Variants in ANKRD44 observed in about 807,000 individuals in gnomAD.
The protein encoded by ANKRD44 is ankyrin repeat domain 44.
Under a neutral mutation model 116.0 loss-of-function variants are expected in ANKRD44, and 35 were observed. The observed-to-expected ratio is 0.30, with a 90% CI of 0.23 to 0.40. ANKRD44 has a LOEUF of 0.40. Ranked by LOEUF, ANKRD44 falls within the 10% of genes least tolerant of loss-of-function variation. The pLI is 1.00. For missense variants in ANKRD44, 1,014 were observed against 1,242.6 expected (o/e 0.82, Z 2.77); for synonymous variants, 435 against 461.8 (o/e 0.94, Z 0.74).
chr2:197,016,007 A>C, intron 17 of ANKRD44: 2 of 537,340 alleles, frequency 3.7e-6, no homozygotes, highest in East Asian at 5.0e-5. Flanking sequence ...TGGTAGCAGA[A>C]GTTTCTAAAA....
intron 10 of ANKRD44, among the ~76,000 whole-genome samples, chr2:197,090,912 C>T (rs914236445): frequency 7.9e-5 from 12 of 152,206 alleles, no homozygotes; most frequent in Admixed American, 3.3e-4. Context: ...CTTTTCAGCT[C>T]CCCTTCCTGC....
intron 1 of ANKRD44, among the ~76,000 whole-genome samples, chr2:197,241,387 G>C (rs1229856335): frequency 6.6e-6 from 1 of 152,158 alleles, no homozygotes; most frequent in African/African-American, 2.4e-5. Flanking sequence ...GGATCTCCAA[G>C]AGGGGCACAG....
intron 21 of ANKRD44, among the ~76,000 whole-genome samples, chr2:196,977,875 A>G (rs1005444439): frequency 2.6e-5 from 4 of 152,208 alleles, no homozygotes; most frequent in African/African-American, 4.8e-5. Flanking sequence ...AAATCAAAAC[A>G]TATGTCCATA....
At chr2:197,100,314 AAT>A (rs2078261992) in intron 9 of ANKRD44, among the ~76,000 whole-genome samples, 3 of 152,214 alleles carry the variant, frequency 2.0e-5, no homozygotes, top group Admixed American at 6.5e-5. Flanking sequence ...GCATGCCTGT[AAT>A]CCCAGCTACT....
chr2:197,124,203 T>C (rs2579397), intron 6 of ANKRD44, among the ~76,000 whole-genome samples: 143,018 of 152,100 alleles, frequency 0.94, 67,392 homozygotes, highest in East Asian at 1. Flanking sequence ...AAGTTTAAGA[T>C]TCTGTTTTTT....
chr2:197,133,947 C>CTTTCTTTTTTTTTTTTTTTTTTTT (rs1574519359), intron 4 of ANKRD44: 1 of 56,462 alleles, frequency 1.8e-5, no homozygotes, highest in African/African-American at 4.8e-5. Context: ...CTTTTTCTTT[C>CTTTCTTTTTTTTTTTTTTTTTTTT]TTTTTTTTTT....
downstream of ANKRD44, among the ~76,000 whole-genome samples, chr2:196,985,192 C>T (rs1480806653): frequency 6.6e-6 from 1 of 152,178 alleles, no homozygotes; most frequent in Non-Finnish European, 1.5e-5. Context: ...ATCCTGCCAA[C>T]AACCATATGA....
intron 9 of ANKRD44, among the ~76,000 whole-genome samples, chr2:197,109,354 G>C (rs2078512172): frequency 6.6e-6 from 1 of 152,198 alleles, no homozygotes; most frequent in Admixed American, 6.5e-5. Flanking sequence ...CAAAGGCATA[G>C]CACATATTTC....
At chr2:197,024,484 T>C (rs991077709) in intron 17 of ANKRD44, among the ~76,000 whole-genome samples, 7 of 152,178 alleles carry the variant, frequency 4.6e-5, no homozygotes, top group African/African-American at 1.7e-4. Flanking sequence ...GGCCAACTCT[T>C]AGCAACTCAC....
At chr2:196,993,504 C>T in intron 27 of ANKRD44, 79 bp downstream of exon 27, 1 of 1,163,870 alleles carries the variant, frequency 8.6e-7, no homozygotes. Flanking sequence ...TTTATACTAG[C>T]TCCTATCTTT....
chr2:197,145,829 T>C (rs1240288914), intron 3 of ANKRD44, among the ~76,000 whole-genome samples: 1 of 152,160 alleles, frequency 6.6e-6, no homozygotes, highest in Admixed American at 6.5e-5. Flanking sequence ...AGTTCCCCTT[T>C]CCTTACTGCA....
Position 197,130,220 on chromosome 2 carries a change from G to T in ANKRD44, c.262-4183C>A, listed in dbSNP as rs145408108. 2.0e-3 allele frequency among the ~76,000 whole-genome samples: 308 copies of T among 152,284 alleles called. 4 individuals are homozygous for T. Among genetic ancestry groups the T allele is most frequent in the African/African-American group, 7.1e-3 (297 of 41,552 alleles). On this transcript the variant is annotated intron_variant, in intron 4 of 27. Coordinates refer to ENST00000282272, the MANE Select transcript of ANKRD44 (RefSeq NM_001195144.2). ...ACCAATTTGCTCAATTAATGGGATT[G>T]TTCCTCTAAAAGTACCAAAGTACCA...
At chr2:197,211,379 C>T (rs2081319717) in intron 1 of ANKRD44, among the ~76,000 whole-genome samples, 1 of 152,160 alleles carries the variant, frequency 6.6e-6, no homozygotes, top group African/African-American at 2.4e-5. Context: ...CCAACTATCC[C>T]CATTCTGCAG....
intron 4 of ANKRD44, among the ~76,000 whole-genome samples, chr2:197,127,110 T>C (rs534590272): frequency 9.9e-5 from 15 of 152,192 alleles, no homozygotes; most frequent in Non-Finnish European, 1.9e-4. Flanking sequence ...TAGGCAGCTT[T>C]ATTTTATAGG....
At chr2:197,286,191 A>T (rs192115889) in intron 1 of ANKRD44, among the ~76,000 whole-genome samples, 8 of 152,086 alleles carry the variant, frequency 5.3e-5, no homozygotes, top group Non-Finnish European at 7.4e-5. Context: ...TTCCAGTCCC[A>T]CTCTGCAATA....
intron 27 of ANKRD44, 123 bp downstream of exon 27, chr2:196,993,460 G>A: frequency 1.3e-6 from 1 of 750,082 alleles, no homozygotes. Context: ...CTCACACACA[G>A]GACTTCCAAG....
intron 17 of ANKRD44, among the ~76,000 whole-genome samples, chr2:197,024,264 A>G (rs949486428): frequency 6.6e-6 from 1 of 152,232 alleles, no homozygotes; most frequent in Non-Finnish European, 1.5e-5. Flanking sequence ...ACACAGTTAA[A>G]CAAAGAAACC....
chr2:197,073,732 C>G (rs1267008357), intron 16 of ANKRD44, among the ~76,000 whole-genome samples: 1 of 152,180 alleles, frequency 6.6e-6, no homozygotes, highest in East Asian at 1.9e-4. Flanking sequence ...AGAGCTAGCT[C>G]CAAAGAAGCC....
chr2:197,305,967 T>A (rs796258680), intron 1 of ANKRD44, among the ~76,000 whole-genome samples: 54 of 124,642 alleles, frequency 4.3e-4, no homozygotes, highest in African/African-American at 1.5e-3. Context: ...GCAGTTCGTT[T>A]TATATATATA....
Sources: gnomAD v4.1 joint callset for allele counts (sites outside exome capture counted in the v4.1 genomes callset) on GRCh38, gnomAD v4.1.1 for gene constraint, MANE v1.5 for transcripts, NCBI Gene and HGNC (gene_info 2026-07-23, HGNC 2026-07-21) for gene names.